TTLL9: variants seen among roughly 807,000 people sequenced by gnomAD.
TTLL9 encodes probable tubulin polyglutamylase TTLL9.
A neutral mutation model predicts 65.6 loss-of-function variants in TTLL9; 47 were observed. The ratio of observed to expected loss-of-function variants is 0.72; its 90% CI spans 0.57 to 0.91. TTLL9 has a LOEUF of 0.91. Among genes scored for constraint, TTLL9 ranks in the 40% least tolerant of loss-of-function variants. The pLI, the probability that TTLL9 is intolerant of heterozygous loss-of-function variation, is 0.00. For synonymous variants in TTLL9, 179 were observed against 204.8 expected (o/e 0.87, Z 1.07); for missense variants, 537 against 568.8 (o/e 0.94, Z 0.57).
intron 6 of TTLL9, among the ~76,000 whole-genome samples, chr20:31,918,740 C>T (rs1266384153): frequency 6.6e-6 from 1 of 152,210 alleles, no homozygotes; most frequent in African/African-American, 2.4e-5. Flanking sequence ...AAGTCTTTTG[C>T]AAGGCCGTGA....
chr20:31,908,757 G>A lies in TTLL9; in HGVS notation c.318+55G>A. 4 of 1,356,696 alleles carry A rather than the reference G, an allele frequency of 2.9e-6. No homozygotes were observed. In the South Asian group the frequency reaches 3.6e-5, roughly 12 times the overall value. 84.0% of individuals were successfully genotyped at this position (1,356,696 alleles called of 1,614,324 possible). A position where few individuals can be genotyped will look rare whatever the true frequency, so the allele number is the denominator to read the frequency against. On this transcript the variant is annotated intron_variant, in intron 5 of 14. Coordinates refer to ENST00000535842, the MANE Select transcript of TTLL9 (RefSeq NM_001008409.5). The stretch of plus-strand genomic sequence containing the variant: ...CAACCAACTCATGTCACTGGGTGTG[G>A]CCATGAGCTGGAGCTGGTACAAGGA...
rs992744744 is a variant in TTLL9 at position 31,937,403 on chromosome 20, C to T, written c.1012C>T (p.Leu338=). ...ACTCCCCTCCCTTCCCAGGTGGCTCCTGGAGGTCAATGCGTCCCCATCACT... is the reference window on the plus strand; with the variant it reads ...ACTCCCCTCCCTTCCCAGGTGGCTCTTGGAGGTCAATGCGTCCCCATCACT... ...LIDQDLKPWL[L]EVNASPSLTA... Residue 338 remains leucine (L), a synonymous_variant, in exon 13 of 15, where the codon CTG becomes TTG. Transcript: ENST00000535842. 1.9e-6 allele frequency: 3 copies of T among 1,613,564 alleles called. No homozygotes were observed. In the African/African-American group the frequency reaches 4.0e-5, roughly 22 times the overall value.
chr20:31,899,020 G>A (rs974071134), intron 4 of TTLL9, among the ~76,000 whole-genome samples: 9 of 152,162 alleles, frequency 5.9e-5, no homozygotes, highest in Non-Finnish European at 1.2e-4. Flanking sequence ...CTGGCCTCTG[G>A]GGATACTGAT....
At chr20:31,914,892 C>G (rs1156372182) in intron 6 of TTLL9, among the ~76,000 whole-genome samples, 1 of 152,228 alleles carries the variant, frequency 6.6e-6, no homozygotes, top group Non-Finnish European at 1.5e-5. Flanking sequence ...GCCGCTGGCA[C>G]TCTCAGTCAG....
At position 31,934,783 on chromosome 20, in the gene TTLL9, A is replaced by G. The variant is rs779297848; in HGVS notation, c.899A>G (p.Asn300Ser). ...GAGACACTCTTCAGGGACATCGACAACATCTTTGTCAAAAGCCTGCAGAGT... is the reference window on the plus strand; with the variant it reads ...GAGACACTCTTCAGGGACATCGACAGCATCTTTGTCAAAAGCCTGCAGAGT... Reference protein sequence around the residue: ...AVETLFRDIDNIFVKSLQSVQ... With the variant: ...AVETLFRDIDSIFVKSLQSVQ... Residue 300 changes from asparagine (N) to serine (S), a missense_variant, in exon 12 of 15, where the codon AAC (asparagine) becomes AGC (serine). Asn to Ser is a conservative substitution (Grantham distance 46, BLOSUM62 1). Around this residue, in one of 3 missense-constraint regions of TTLL9, gnomAD observed 205 missense variants for 225.9 expected, o/e 0.91. Transcript: ENST00000535842. 2 of 1,613,868 alleles carry G rather than the reference A, an allele frequency of 1.2e-6. No homozygotes were observed. Among genetic ancestry groups the G allele is most frequent in the African/African-American group, 1.3e-5 (1 of 75,048 alleles).
At chr20:31,880,840 CTT>C (rs2063108102) in intron 2 of TTLL9, among the ~76,000 whole-genome samples, 1 of 141,266 alleles carries the variant, frequency 7.1e-6, no homozygotes, top group South Asian at 2.2e-4. Context: ...CTTCATTTCT[CTT>C]CTTTCTTTCC....
intron 4 of TTLL9, among the ~76,000 whole-genome samples, chr20:31,907,720 C>T (rs867126795): frequency 4.7e-5 from 7 of 148,120 alleles, no homozygotes; most frequent in East Asian, 3.9e-4. Context: ...TACACCGTCT[C>T]GAAAAAAGAA....
At position 31,908,717 on chromosome 20, in the gene TTLL9, C is replaced by T. The variant is rs756361843; in HGVS notation, c.318+15C>T. On this transcript the variant is annotated intron_variant, in intron 5 of 14. Transcript: ENST00000535842. ...ACCACTATGAGGTGAGCTGGGCAGG[C>T]GGGAGGGACTGTGCCAACCAACTCA... The T allele has an allele frequency of 1.3e-5, 21 of 1,601,486 alleles. No individual in the cohort carries two copies. The highest frequency in any genetic ancestry group is 1.7e-4 in the Middle Eastern group (1 of 6,060).
At chr20:31,938,022 C>A (rs923119352) in intron 13 of TTLL9, 19 of 386,146 alleles carry the variant, frequency 4.9e-5, no homozygotes, top group African/African-American at 3.8e-4. Context: ...GGTCTATTCT[C>A]TCTCTCTCTT....
intron 6 of TTLL9, among the ~76,000 whole-genome samples, chr20:31,912,603 ATGTGTGTGTGTGTGTG>A (rs61107814): frequency 1.6e-3 from 231 of 141,094 alleles, no homozygotes; most frequent in Non-Finnish European, 1.3e-3. Flanking sequence ...GTGTATGTGT[ATGTGTGTGTGTGTGTG>A]TGTGTGTGTG....
intron 4 of TTLL9, among the ~76,000 whole-genome samples, chr20:31,907,080 A>G (rs2063569502): frequency 6.6e-6 from 1 of 152,198 alleles, no homozygotes; most frequent in Non-Finnish European, 1.5e-5. Flanking sequence ...TTTGGTGGGA[A>G]AAAAGCATGT....
intron 2 of TTLL9, among the ~76,000 whole-genome samples, chr20:31,873,288 T>C (rs1418516208): frequency 1.3e-5 from 2 of 152,146 alleles, no homozygotes; most frequent in Non-Finnish European, 2.9e-5. Flanking sequence ...CTGAGCTATA[T>C]GTAGGAAATT....
intron 12 of TTLL9, among the ~76,000 whole-genome samples, chr20:31,935,291 A>G (rs2123629446): frequency 6.6e-6 from 1 of 152,194 alleles, no homozygotes; most frequent in East Asian, 1.9e-4. Context: ...ACTTTGATCC[A>G]CTCCCAAGAT....
intron 6 of TTLL9, among the ~76,000 whole-genome samples, chr20:31,910,477 C>T (rs2063629791): frequency 6.6e-6 from 1 of 152,110 alleles, no homozygotes; most frequent in African/African-American, 2.4e-5. Flanking sequence ...GAGAGGGATC[C>T]ACAGGAGGCT....
intron 14 of TTLL9, among the ~76,000 whole-genome samples, chr20:31,941,869 G>A (rs779011542): frequency 1.6e-4 from 24 of 152,222 alleles, no homozygotes; most frequent in Non-Finnish European, 3.5e-4. Context: ...CACAAGGGTA[G>A]CTGGTTAGGG....
At chr20:31,881,202 ATGAG>A (rs1407101386) in intron 2 of TTLL9, among the ~76,000 whole-genome samples, 1 of 152,210 alleles carries the variant, frequency 6.6e-6, no homozygotes, top group Non-Finnish European at 1.5e-5. Context: ...ACAACAAAAA[ATGAG>A]TTTATCTGCT....
intron 7 of TTLL9, among the ~76,000 whole-genome samples, chr20:31,920,334 G>A (rs560243091): frequency 1.3e-5 from 2 of 152,114 alleles, no homozygotes; most frequent in African/African-American, 2.4e-5. Context: ...TCCTGCTCAC[G>A]TGGCTGGGGA....
intron 2 of TTLL9, among the ~76,000 whole-genome samples, chr20:31,881,582 A>T (rs1042328559): frequency 8.6e-5 from 13 of 150,512 alleles, no homozygotes; most frequent in Non-Finnish European, 1.3e-4. Context: ...CTTTAAATAC[A>T]CAGATTGGGA....
chr20:31,927,947 A>G (rs562471513), intron 10 of TTLL9, among the ~76,000 whole-genome samples: 11 of 151,382 alleles, frequency 7.3e-5, no homozygotes, highest in African/African-American at 2.2e-4. Context: ...GTTTTTTTCT[A>G]TTTTGCCAAC....
Sources: gnomAD v4.1 joint callset for allele counts (sites outside exome capture counted in the v4.1 genomes callset) on GRCh38, gnomAD v4.1.1 for gene constraint, gnomAD v4.1.1 regional missense constraint, MANE v1.5 for transcripts, NCBI Gene and HGNC (gene_info 2026-07-23, HGNC 2026-07-21) for gene names.